The following MAP3K21 variants were observed in gnomAD, a reference collection of about 807,000 sequenced individuals.
MAP3K21 encodes the protein mitogen-activated protein kinase kinase kinase MLK4.
MAP3K21 carries 63 observed loss-of-function variants against 86.1 expected under a neutral mutation model. The observed-to-expected ratio is 0.73, with a 90% CI of 0.60 to 0.90. The LOEUF is 0.90. Ranked by LOEUF, MAP3K21 falls within the 40% of genes least tolerant of loss-of-function variation. MAP3K21 has a pLI of 0.00. For missense variants in MAP3K21, 1,220 were observed against 1,367.7 expected, an observed-to-expected ratio of 0.89 and a Z score of 1.70; for synonymous variants, 558 against 564.8, an observed-to-expected ratio of 0.99 and a Z score of 0.17.
chr1:233,330,671 A>G (rs1193866580), intron 1 of MAP3K21, among the ~76,000 whole-genome samples: 3 of 152,236 alleles, frequency 2.0e-5, no homozygotes, highest in African/African-American at 7.2e-5. Context: ...CATTCTGCAA[A>G]TGTATCCAAA....
intron 7 of MAP3K21, 33 bp downstream of exon 7, chr1:233,376,099 G>T (rs778706284): frequency 1.3e-6 from 2 of 1,552,106 alleles, no homozygotes; most frequent in South Asian, 2.4e-5. Context: ...TATTCATTGT[G>T]TAATATGACA....
intron 1 of MAP3K21, among the ~76,000 whole-genome samples, chr1:233,339,294 C>G (rs1717813): frequency 0.24 from 10,642 of 44,374 alleles, 2,122 homozygotes; most frequent in East Asian, 0.41. Context: ...TCTTCTTCCT[C>G]TTCTTCTTCC....
At position 233,379,529 on chromosome 1, in the gene MAP3K21, T is replaced by A. The variant is rs1396766643; in HGVS notation, c.2523T>A (p.Thr841=). Residue 841 remains threonine, a synonymous_variant, in exon 9 of 10, where the codon ACT becomes ACA. Coordinates refer to ENST00000366624, the MANE Select transcript of MAP3K21 (RefSeq NM_032435.3). ...SEMLTPDFCP[T]APGSGREPAL... is the part of the protein sequence containing the mutation. ...TGCTCACTCCGGATTTTTGTCCCAC[T>A]GCCCCAGGAAGTGGTCGTGAGCCAG... The A allele has an allele frequency of 1.9e-6, 3 of 1,614,208 alleles. No individual in the cohort carries two copies. The highest frequency in any genetic ancestry group is 1.7e-6 in the Non-Finnish European group (2 of 1,180,038).
intron 8 of MAP3K21, among the ~76,000 whole-genome samples, chr1:233,377,101 G>GATAAATAA (rs57896561): frequency 0.18 from 27,189 of 150,812 alleles, 2,557 homozygotes; most frequent in South Asian, 0.28. Flanking sequence ...TCTATCTCTA[G>GATAAATAA]ATAAATAAAT....
At chr1:233,379,788 T>G in intron 9 of MAP3K21, 78 bp downstream of exon 9, 1 of 1,126,906 alleles carries the variant, frequency 8.9e-7, no homozygotes, top group East Asian at 2.4e-5. Flanking sequence ...ATTTATGATT[T>G]TATCTTTTCC....
chr1:233,367,434 T>C (rs544006238), intron 5 of MAP3K21, among the ~76,000 whole-genome samples: 4 of 152,342 alleles, frequency 2.6e-5, no homozygotes, highest in Non-Finnish European at 5.9e-5. Flanking sequence ...TTGAGAACCA[T>C]TATTCTAGTG....
chr1:233,353,672 CCATTTAGGGGCT>C (rs1663292968), intron 2 of MAP3K21, 123 bp from the exon 3 acceptor site: 1 of 752,528 alleles, frequency 1.3e-6, no homozygotes. Context: ...GGGATGTCAG[CCATTTAGGGGCT>C]TTTCTGGAAT....
chr1:233,369,235 A>AAG (rs1663639759), intron 5 of MAP3K21, among the ~76,000 whole-genome samples: 1 of 150,628 alleles, frequency 6.6e-6, no homozygotes, highest in Non-Finnish European at 1.5e-5. Context: ...AAAAAAAAAA[A>AAG]AAAAATTAGC....
chr1:233,335,680 A>T (rs905421307), intron 1 of MAP3K21, among the ~76,000 whole-genome samples: 1 of 152,216 alleles, frequency 6.6e-6, no homozygotes, highest in Non-Finnish European at 1.5e-5. Context: ...AACAGTTCTC[A>T]AATATTTGCT....
chr1:233,328,404 C>G lies in MAP3K21; in HGVS notation c.376C>G (p.Leu126Val), dbSNP rs777111160. 58 of 1,490,924 alleles carry G rather than the reference C, an allele frequency of 3.9e-5. No homozygotes were observed. Among genetic ancestry groups the G allele is most frequent in the Non-Finnish European group, 5.1e-5 (57 of 1,128,362 alleles). The allele number at this position is 1,490,924 out of a possible 1,614,324, so 92.4% of individuals were successfully genotyped here. The change falls in exon 1 of 10, where the codon CTG becomes GTG. Residue 126 changes from leucine to valine, a missense_variant. Around this residue, in one of 5 missense-constraint regions of MAP3K21, gnomAD observed 369 missense variants for 385.3 expected, o/e 0.96. Transcript: ENST00000366624. This position sits in a 1 kb window ranked among gnomAD's most constrained non-coding sequence, Gnocchi z 8.7. ...ACACGTCGCCTTCGAGCGGCTGGAG[C>G]TGAAGGAGCTCATCGGCGCTGGGGG... ...PVHVAFERLELKELIGAGGFG... is the reference protein window; with the variant it reads ...PVHVAFERLEVKELIGAGGFG...
intron 2 of MAP3K21, among the ~76,000 whole-genome samples, chr1:233,347,533 C>G (rs1233290741): frequency 1.3e-5 from 2 of 152,168 alleles, no homozygotes; most frequent in Non-Finnish European, 2.9e-5. Context: ...TGCACGTACA[C>G]CATGGAATAC....
intron 5 of MAP3K21, among the ~76,000 whole-genome samples, chr1:233,370,861 A>G (rs1047326241): frequency 3.3e-5 from 5 of 152,228 alleles, no homozygotes; most frequent in Non-Finnish European, 7.3e-5. Context: ...AGTTATTTGC[A>G]TCATCACCAG....
At chr1:233,363,727 C>G (rs1025672839) in intron 5 of MAP3K21, among the ~76,000 whole-genome samples, 1 of 144,688 alleles carries the variant, frequency 6.9e-6, no homozygotes, top group Non-Finnish European at 1.5e-5. Context: ...AGAAAGAAGG[C>G]TGGGCATGGT....
chr1:233,330,869 C>T (rs1252333415), intron 1 of MAP3K21, among the ~76,000 whole-genome samples: 1 of 152,156 alleles, frequency 6.6e-6, no homozygotes, highest in African/African-American at 2.4e-5. Context: ...TTTATCCATT[C>T]CTATGGGTTA....
chr1:233,337,381 G>A (rs1019055343), intron 1 of MAP3K21, among the ~76,000 whole-genome samples: 4 of 152,124 alleles, frequency 2.6e-5, no homozygotes, highest in African/African-American at 9.7e-5. Context: ...AATGCAAGCT[G>A]TTGACTATAT....
intron 1 of MAP3K21, among the ~76,000 whole-genome samples, chr1:233,330,160 T>C (rs1662784421): frequency 6.6e-6 from 1 of 152,216 alleles, no homozygotes; most frequent in Non-Finnish European, 1.5e-5. Flanking sequence ...TAATGTAGCA[T>C]TTTCACTGGG....
At position 233,384,916 on chromosome 1, in the gene MAP3K21, A is replaced by T. The variant is rs981770641; in HGVS notation, c.*2205A>T. The T allele has an allele frequency of 6.6e-6, 1 of 152,202 alleles. No homozygotes were observed. The highest frequency in any genetic ancestry group is 6.5e-5 in the Admixed American group (1 of 15,276). 9.4% of individuals were successfully genotyped at this position (152,202 alleles called of 1,614,324 possible). ...TTGCTGCAATCTATTGTACATTTGC[A>T]ATTTTCTGTGTTAGTAAACTTAGCA... On this transcript the variant is annotated 3_prime_UTR_variant, in exon 10 of 10. Coordinates refer to ENST00000366624, the MANE Select transcript of MAP3K21 (RefSeq NM_032435.3).
intron 1 of MAP3K21, among the ~76,000 whole-genome samples, chr1:233,331,042 A>G (rs1420524038): frequency 6.6e-6 from 1 of 152,216 alleles, no homozygotes; most frequent in African/African-American, 2.4e-5. Flanking sequence ...CCCTGGAATA[A>G]TAACTATGGC....
Position 233,363,349 on chromosome 1 carries a change from C to T in MAP3K21, c.1552+1056C>T, listed in dbSNP as rs538567426. Among the ~76,000 whole-genome samples the T allele has an allele frequency of 5.3e-5, 8 of 152,278 alleles. No individual in the cohort carries two copies. In the East Asian group the frequency reaches 1.4e-3, roughly 26 times the overall value. The stretch of plus-strand genomic sequence containing the variant: ...GTATTATGAAACACTGGAAAGCTTG[C>T]AGAATCCTGTGACTAATTTAGGTTA... On this transcript the variant is annotated intron_variant, in intron 5 of 9. Transcript: ENST00000366624.
Sources: gnomAD v4.1 joint callset for allele counts (sites outside exome capture counted in the v4.1 genomes callset) on GRCh38, gnomAD v4.1.1 for gene constraint, gnomAD v4.1.1 regional missense constraint, Gnocchi (gnomAD v3.1) non-coding constraint, MANE v1.5 for transcripts, NCBI Gene and HGNC (gene_info 2026-07-23, HGNC 2026-07-21) for gene names.